ZC3H12B: variants seen among roughly 807,000 people sequenced by gnomAD.
The protein encoded by ZC3H12B is probable ribonuclease ZC3H12B.
In ZC3H12B, 7 loss-of-function variants were observed where a neutral mutation model predicts 43.9. The ratio of observed to expected loss-of-function variants is 0.16; its 90% confidence interval spans 0.09 to 0.30. The LOEUF (loss-of-function observed/expected upper bound fraction) is 0.30. ZC3H12B is among the 10% of genes least tolerant of loss of function. The pLI is 1.00. For synonymous variants in ZC3H12B, 222 were observed against 241.7 expected (o/e 0.92, Z 0.76); for missense variants, 475 against 670.2 (o/e 0.71, Z 3.22).
At chrX:65,267,707 T>A in the ZC3H12B span, among the ~76,000 whole-genome samples, 1 of 111,585 alleles carries the variant, frequency 9.0e-6, no homozygotes, top group East Asian at 2.8e-4. Flanking sequence ...AAAGGGGAAT[T>A]TTTAAGTATC....
At chrX:65,170,040 G>T in the ZC3H12B span, among the ~76,000 whole-genome samples, 1 of 111,804 alleles carries the variant, frequency 8.9e-6, no homozygotes, top group Admixed American at 9.5e-5. Context: ...TACATGTAAG[G>T]TTAATATTGT....
chrX:65,214,045 A>G, the ZC3H12B span, among the ~76,000 whole-genome samples: 4 of 111,097 alleles, frequency 3.6e-5, no homozygotes, highest in Non-Finnish European at 7.5e-5. Context: ...ATTGTGTCTA[A>G]AAAATGTACA....
chrX:65,050,908 G>T, the ZC3H12B span, among the ~76,000 whole-genome samples: 1 of 111,333 alleles, frequency 9.0e-6, no homozygotes, highest in East Asian at 2.8e-4. Context: ...TCTTTGTCTG[G>T]ATTTGTTAAA....
At chrX:65,166,824 G>T in the ZC3H12B span, among the ~76,000 whole-genome samples, 2 of 111,978 alleles carry the variant, frequency 1.8e-5, no homozygotes, top group African/African-American at 6.5e-5. Flanking sequence ...ATGTCTGTTG[G>T]CTGCATAAAG....
chrX:65,472,070 AC>A (rs1276544863), intron 3 of ZC3H12B, among the ~76,000 whole-genome samples: 1 of 111,690 alleles, frequency 9.0e-6, no homozygotes, highest in African/African-American at 3.3e-5. Flanking sequence ...CATTTATGAA[AC>A]TTAGTTTTGC....
the ZC3H12B span, among the ~76,000 whole-genome samples, chrX:65,217,691 G>A: frequency 1.8e-5 from 2 of 111,707 alleles, no homozygotes; most frequent in East Asian, 5.6e-4. Context: ...TCTTCCAACA[G>A]CAAAGTTAAT....
chrX:65,175,427 A>T, the ZC3H12B span, among the ~76,000 whole-genome samples: 1 of 111,927 alleles, frequency 8.9e-6, no homozygotes, highest in Non-Finnish European at 1.9e-5. Context: ...TGATTGCTAC[A>T]TAGGAACCAA....
the ZC3H12B span, among the ~76,000 whole-genome samples, chrX:65,324,262 C>A: frequency 6.3e-5 from 7 of 111,899 alleles, no homozygotes; most frequent in Admixed American, 1.9e-4. Context: ...GTCATGAAGT[C>A]TTTGCCCATG....
the ZC3H12B span, among the ~76,000 whole-genome samples, chrX:65,116,171 T>G: frequency 1.8e-5 from 2 of 111,881 alleles, no homozygotes; most frequent in Admixed American, 9.5e-5. Flanking sequence ...CTAGAATATT[T>G]ACAGTTTCAG....
At chrX:65,116,979 T>C in the ZC3H12B span, among the ~76,000 whole-genome samples, 2 of 111,942 alleles carry the variant, frequency 1.8e-5, no homozygotes, top group Admixed American at 1.9e-4. Flanking sequence ...TTTGGGTTGG[T>C]TCCAAGTCTT....
the ZC3H12B span, among the ~76,000 whole-genome samples, chrX:65,207,440 G>A: frequency 9.0e-6 from 1 of 110,796 alleles, no homozygotes; most frequent in Non-Finnish European, 1.9e-5. Context: ...CTATGAGGAT[G>A]CAAAAGCATA....
At chrX:65,270,542 C>T in the ZC3H12B span, among the ~76,000 whole-genome samples, 1 of 110,857 alleles carries the variant, frequency 9.0e-6, no homozygotes, top group Non-Finnish European at 1.9e-5. Flanking sequence ...GGGACTACCT[C>T]AAACTAAAAA....
the ZC3H12B span, among the ~76,000 whole-genome samples, chrX:65,249,671 T>C: frequency 2.7e-5 from 3 of 111,849 alleles, no homozygotes; most frequent in African/African-American, 9.7e-5. Context: ...ACAATATTCA[T>C]TCTAGCCATC....
chrX:65,260,211 A>C, the ZC3H12B span, among the ~76,000 whole-genome samples: 2 of 110,881 alleles, frequency 1.8e-5, no homozygotes, highest in East Asian at 2.8e-4. Context: ...GTTCCCAAAA[A>C]CCTATTGAAA....
chrX:65,177,718 G>A, the ZC3H12B span, among the ~76,000 whole-genome samples: 1 of 111,427 alleles, frequency 9.0e-6, no homozygotes, highest in African/African-American at 3.3e-5. Flanking sequence ...AACTTAAAAG[G>A]GATATGAAGG....
At chrX:65,189,703 T>C in the ZC3H12B span, among the ~76,000 whole-genome samples, 1 of 108,102 alleles carries the variant, frequency 9.3e-6, no homozygotes, top group Non-Finnish European at 1.9e-5. Flanking sequence ...ATTAGCCCTT[T>C]GTCAGATGAG....
At chrX:65,251,587 C>T in the ZC3H12B span, among the ~76,000 whole-genome samples, 1 of 111,360 alleles carries the variant, frequency 9.0e-6, no homozygotes, top group Non-Finnish European at 1.9e-5. Flanking sequence ...AATGTTTTTC[C>T]ATTTGTTTGT....
intron 3 of ZC3H12B, among the ~76,000 whole-genome samples, chrX:65,471,503 T>C (rs755511236): frequency 1.0e-5 from 1 of 98,790 alleles, no homozygotes; most frequent in East Asian, 3.1e-4. Flanking sequence ...CAGGCTGGAG[T>C]GCAGTGGCAT....
chrX:65,338,301 G>C, the ZC3H12B span, among the ~76,000 whole-genome samples: 1 of 111,620 alleles, frequency 9.0e-6, no homozygotes. Flanking sequence ...AACCTTCCAA[G>C]ATTGAATCAG....
Sources: allele counts gnomAD v4.1 joint callset (sites outside exome capture counted in the v4.1 genomes callset), GRCh38; gene constraint gnomAD v4.1.1; transcripts MANE v1.5; gene names NCBI Gene and HGNC (gene_info 2026-07-23, HGNC 2026-07-21).